Variants in EXD3 observed in about 807,000 individuals in gnomAD.
EXD3 encodes the protein exonuclease 3'-5' domain containing 3, also known as exonuclease mut-7 homolog.
Under a neutral mutation model 98.0 loss-of-function variants are expected in EXD3, and 92 were observed. The observed-to-expected ratio is 0.94, with a 90% CI of 0.79 to 1.12. The LOEUF (loss-of-function observed/expected upper bound fraction) is 1.12. EXD3 is among the 50% of genes most tolerant of loss of function. The pLI is 0.00. For synonymous variants in EXD3, 569 were observed against 526.0 expected (o/e 1.08, Z -1.12); for missense variants, 1,222 against 1,191.6 (o/e 1.03, Z -0.38).
intron 1 of EXD3, among the ~76,000 whole-genome samples, chr9:137,410,054 T>C (rs113108909): frequency 0.018 from 2,784 of 151,872 alleles, 75 homozygotes; most frequent in African/African-American, 0.063. Flanking sequence ...CAGGTGCCTG[T>C]AATCCCAGCT....
chr9:137,336,894 A>T (rs1833380913), intron 17 of EXD3, among the ~76,000 whole-genome samples: 2 of 152,138 alleles, frequency 1.3e-5, no homozygotes, highest in Admixed American at 1.3e-4. Flanking sequence ...AGTACGACTA[A>T]ACCCAAATTC....
Position 137,371,969 on chromosome 9 carries a change from A to C in EXD3, c.462+936T>G, listed in dbSNP as rs1168990182. 6.6e-6 allele frequency among the ~76,000 whole-genome samples: 1 copy of C among 152,032 alleles called. No homozygotes were observed. The highest frequency in any genetic ancestry group is 1.5e-5 in the Non-Finnish European group (1 of 67,988). On this transcript the variant is annotated intron_variant, in intron 5 of 21. Transcript: ENST00000340951. This position sits in a 1 kb window ranked among gnomAD's most constrained non-coding sequence, Gnocchi z 8.0. ...CTCCCTACTGTTCCACACAAACCCA[A>C]GTCACAGCTTGGCCAGGCTCAGGAC...
chr9:137,337,649 T>C (rs1313351970), intron 17 of EXD3, among the ~76,000 whole-genome samples: 3 of 150,170 alleles, frequency 2.0e-5, no homozygotes, highest in Non-Finnish European at 3.0e-5. Context: ...AGATTTCTTC[T>C]CAAAAAAAAA....
intron 14 of EXD3, among the ~76,000 whole-genome samples, chr9:137,350,046 G>A (rs1289366810): frequency 2.8e-5 from 4 of 143,240 alleles, no homozygotes; most frequent in Admixed American, 7.1e-5. Context: ...GGGGATCACG[G>A]GGAAGGTTCT....
intron 5 of EXD3, among the ~76,000 whole-genome samples, chr9:137,369,187 G>A (rs1208592008): frequency 4.0e-5 from 6 of 150,550 alleles, no homozygotes; most frequent in South Asian, 2.1e-4. Flanking sequence ...CAGGGCCGGG[G>A]AGGGGCACGG....
intron 10 of EXD3, chr9:137,353,447 A>C: frequency 1.0e-6 from 1 of 984,628 alleles, no homozygotes; most frequent in Non-Finnish European, 1.2e-6. Flanking sequence ...CCTCCTCCTC[A>C]TTATGTGGGG....
At chr9:137,311,955 G>GC (rs1251367247) in intron 19 of EXD3, among the ~76,000 whole-genome samples, 3 of 152,168 alleles carry the variant, frequency 2.0e-5, no homozygotes, top group South Asian at 2.1e-4. Flanking sequence ...CCTGAGACCC[G>GC]CCCCCCAGCA....
At chr9:137,380,077 G>A (rs1836151019) in intron 3 of EXD3, among the ~76,000 whole-genome samples, 2 of 151,794 alleles carry the variant, frequency 1.3e-5, no homozygotes, top group African/African-American at 2.4e-5. Context: ...CTCAATGAAC[G>A]TGCCAAGACC....
chr9:137,380,951 T>C (rs973607245), intron 3 of EXD3, among the ~76,000 whole-genome samples: 1 of 131,894 alleles, frequency 7.6e-6, no homozygotes, highest in African/African-American at 2.9e-5. Context: ...AATACAAAAA[T>C]AGCCAGGCGT....
In EXD3 at chr9:137,364,608, G is replaced by C. The variant is rs544823232; in HGVS notation, c.656+1885C>G. ...CTGCACTCCAGCCTGGGCGACAAAGGCTTCATCTAAAAAAAAAAATCATTA... is the reference window on the plus strand; with the variant it reads ...CTGCACTCCAGCCTGGGCGACAAAGCCTTCATCTAAAAAAAAAAATCATTA... On this transcript the variant is annotated intron_variant, in intron 7 of 21. Transcript: ENST00000340951. 4.0e-5 allele frequency among the ~76,000 whole-genome samples: 6 copies of C among 149,350 alleles called. No individual in the cohort carries two copies. In the South Asian group the frequency reaches 1.0e-3, roughly 26 times the overall value.
chr9:137,329,961 C>T (rs1410132437), intron 17 of EXD3, among the ~76,000 whole-genome samples: 2 of 32,888 alleles, frequency 6.1e-5, no homozygotes, highest in African/African-American at 2.2e-4. Context: ...CACACAGGAG[C>T]TATACAGGAG....
rs1467737618 is a variant in EXD3, at chr9:137,410,884, T to C, written c.-48+12230A>G. ...CCAAGGCTCTGCAGGTGACTGTGCC[T>C]GGAGCCCCAGCCCCCGGCCTCAGTG... On this transcript the variant is annotated intron_variant, in intron 1 of 21. Transcript: ENST00000340951. Among the ~76,000 whole-genome samples the C allele has an allele frequency of 3.3e-5, 5 of 151,684 alleles. No homozygotes were observed. In the East Asian group the frequency reaches 9.7e-4, roughly 30 times the overall value.
chr9:137,352,599 G>T, intron 11 of EXD3, 21 bp downstream of exon 11: 1 of 1,522,782 alleles, frequency 6.6e-7, no homozygotes, highest in Non-Finnish European at 8.8e-7. Flanking sequence ...CCCTGGCTGG[G>T]GTCACCCTGG....
intron 12 of EXD3, 101 bp from the exon 13 acceptor site, chr9:137,351,629 G>A: frequency 1.8e-6 from 2 of 1,128,516 alleles, no homozygotes; most frequent in Non-Finnish European, 2.6e-6. Context: ...TGGGCTTCGG[G>A]GAGACGCCCC....
chr9:137,339,261 A>T (rs916309466), intron 17 of EXD3, among the ~76,000 whole-genome samples: 3 of 152,164 alleles, frequency 2.0e-5, no homozygotes, highest in Non-Finnish European at 4.4e-5. Context: ...ACTCAGTTGC[A>T]GAAAAAAGAG....
intron 2 of EXD3, among the ~76,000 whole-genome samples, chr9:137,387,520 G>A (rs1014707815): frequency 6.6e-6 from 1 of 152,124 alleles, no homozygotes; most frequent in African/African-American, 2.4e-5. Flanking sequence ...AAAACAGGAT[G>A]TCCAGGGGCG....
intron 1 of EXD3, among the ~76,000 whole-genome samples, chr9:137,422,406 G>C (rs1033163791): frequency 1.3e-5 from 2 of 152,116 alleles, no homozygotes; most frequent in Non-Finnish European, 2.9e-5. Flanking sequence ...TACCCCTCGA[G>C]CCAAGTAACT....
intron 1 of EXD3, among the ~76,000 whole-genome samples, chr9:137,415,888 C>T (rs1439234611): frequency 6.6e-6 from 1 of 152,214 alleles, no homozygotes; most frequent in Non-Finnish European, 1.5e-5. Flanking sequence ...CTAAGGGGAT[C>T]ACGCTGCACG....
At chr9:137,375,563 C>A (rs539435005) in intron 3 of EXD3, among the ~76,000 whole-genome samples, 3 of 152,008 alleles carry the variant, frequency 2.0e-5, no homozygotes, top group African/African-American at 7.3e-5. Context: ...TGAGTCCTAG[C>A]GCTGGCAAGT....
Sources: gnomAD v4.1 joint callset for allele counts (sites outside exome capture counted in the v4.1 genomes callset) on GRCh38, gnomAD v4.1.1 for gene constraint, Gnocchi (gnomAD v3.1) non-coding constraint, MANE v1.5 for transcripts, NCBI Gene and HGNC (gene_info 2026-07-23, HGNC 2026-07-21) for gene names.